The following GBX1 variants were observed in gnomAD, a reference collection of about 807,000 sequenced individuals.
GBX1 encodes the protein homeobox protein GBX-1.
GBX1 carries 9 observed loss-of-function variants against 22.9 expected under a neutral mutation model. The observed-to-expected ratio is 0.39, with a 90% confidence interval of 0.24 to 0.69. GBX1 has a LOEUF of 0.69. Among genes scored for constraint, GBX1 ranks in the 30% least tolerant of loss-of-function variants. The pLI, the probability that GBX1 is intolerant of heterozygous loss-of-function variation, is 0.43. For missense variants in GBX1, 494 were observed against 509.2 expected (o/e 0.97, Z 0.29); for synonymous variants, 203 against 227.3 (o/e 0.89, Z 0.96).
intron 1 of GBX1, among the ~76,000 whole-genome samples, chr7:151,166,487 A>ACC (rs1554475966): frequency 1.8e-5 from 1 of 55,860 alleles, no homozygotes; most frequent in African/African-American, 6.6e-5. Flanking sequence ...CCCCCCCCCC[A>ACC]ACACACACAC....
At chr7:151,150,930 C>G (rs1230799309) in intron 1 of GBX1, among the ~76,000 whole-genome samples, 1 of 152,184 alleles carries the variant, frequency 6.6e-6, no homozygotes, top group East Asian at 1.9e-4. Flanking sequence ...CAGGATCTCA[C>G]TATGTTGCCC....
At chr7:151,149,231 G>A in intron 1 of GBX1, 89 bp from the exon 2 acceptor site, 2 of 1,301,442 alleles carry the variant, frequency 1.5e-6, no homozygotes, top group Non-Finnish European at 2.1e-6. Context: ...GCCAGAAATG[G>A]GGGGTTGGGA....
rs1801036271 is a variant in GBX1 at position 151,148,249 on chromosome 7, G to T, written c.*340C>A. On this transcript the variant is annotated 3_prime_UTR_variant, in exon 2 of 2. Transcript: ENST00000297537. The surrounding 1 kb of genome is among the most constrained non-coding windows in gnomAD (Gnocchi z 5.1). ...CTCCACCCATCAGAAGCTGTTCCAG[G>T]GCATTTGCCACAGAACCTTCAGGCC... 6.6e-6 allele frequency among the ~76,000 whole-genome samples: 1 copy of T among 152,086 alleles called. No individual in the cohort carries two copies. Among genetic ancestry groups the T allele is most frequent in the South Asian group, 2.1e-4 (1 of 4,824 alleles).
chr7:151,149,822 C>A, intron 1 of GBX1: 1 of 437,544 alleles, frequency 2.3e-6, no homozygotes, highest in Non-Finnish European at 4.6e-6. Context: ...CATGCAGCAC[C>A]TTGAGTGTGG....
At chr7:151,149,219 T>C (rs1032541478) in intron 1 of GBX1, 77 bp from the exon 2 acceptor site, 26 of 1,354,402 alleles carry the variant, frequency 1.9e-5, no homozygotes, top group Admixed American at 4.3e-5. Context: ...CATGGAACCA[T>C]GGCCAGAAAT....
rs71533521 is a variant in GBX1 at position 151,164,776 on chromosome 7, CTTTT to C, written c.538+2231_538+2234del. On this transcript the variant is annotated intron_variant, in intron 1 of 1. Transcript: ENST00000297537. ...CTCCAAGAACAACACAAATTTCCCT[CTTTT>C]TTTTTTTTTTTTTTTTGCTTTCAAC... is the stretch of plus-strand genomic sequence containing the variant. Among the ~76,000 whole-genome samples the C allele has an allele frequency of 2.5e-3, 261 of 104,406 alleles. 3 individuals are homozygous for C. Among genetic ancestry groups the C allele is most frequent in the East Asian group, 0.024 (80 of 3,396 alleles). The allele number at this position is 104,406 out of a possible 152,430, so 68.5% of individuals were successfully genotyped here.
At chr7:151,166,459 C>A (rs1187492930) in intron 1 of GBX1, among the ~76,000 whole-genome samples, 2 of 145,276 alleles carry the variant, frequency 1.4e-5, no homozygotes, top group East Asian at 4.2e-4. Context: ...TCAGAAGTCA[C>A]GGCTTTGAGA....
chr7:151,151,831 A>G (rs977210316), intron 1 of GBX1, among the ~76,000 whole-genome samples: 5 of 151,874 alleles, frequency 3.3e-5, no homozygotes, highest in Non-Finnish European at 7.4e-5. Context: ...TCCACACTCC[A>G]CCTGGCCCAT....
At chr7:151,163,073 T>C (rs1801205316) in intron 1 of GBX1, among the ~76,000 whole-genome samples, 1 of 152,162 alleles carries the variant, frequency 6.6e-6, no homozygotes, top group Non-Finnish European at 1.5e-5. Flanking sequence ...CCCAAAGTGT[T>C]GGGATTACAG....
intron 1 of GBX1, among the ~76,000 whole-genome samples, chr7:151,156,403 A>C (rs1343279746): frequency 1.4e-5 from 2 of 147,920 alleles, no homozygotes; most frequent in Non-Finnish European, 3.0e-5. Context: ...AAAAAAAAAA[A>C]AAAAAAAAAA....
intron 1 of GBX1, among the ~76,000 whole-genome samples, chr7:151,160,159 A>G (rs1363545076): frequency 6.6e-6 from 1 of 152,198 alleles, no homozygotes; most frequent in African/African-American, 2.4e-5. Context: ...AATCTTAGAG[A>G]TCACCTAATT....
At chr7:151,149,828 TG>T (rs1405141101) in intron 1 of GBX1, 1 of 440,246 alleles carries the variant, frequency 2.3e-6, no homozygotes, top group Non-Finnish European at 4.6e-6. Flanking sequence ...GCACCTTGAG[TG>T]TGGCCAGATT....
Position 151,167,535 on chromosome 7 carries a change from C to G in GBX1, c.14G>C (p.Gly5Ala). ...GTTGCCCCCAGGGGCGCTACCGCCT[C>G]CGGCCCGCTGCATCTTGTTCGGAGC... MQRA[G>A]GGSAPGGNGG... Residue 5 changes from glycine (G) to alanine (A), a missense_variant, in exon 1 of 2, where the codon GGA becomes GCA. By Grantham distance (60) the Gly-to-Ala change is moderately conservative. Around this residue, in one of 3 missense-constraint regions of GBX1, gnomAD observed 365 missense variants for 340.4 expected, o/e 1.07. Coordinates refer to ENST00000297537, the MANE Select transcript of GBX1 (RefSeq NM_001098834.3). The surrounding 1 kb of genome is among the most constrained non-coding windows in gnomAD (Gnocchi z 5.9). 4.1e-6 allele frequency: 6 copies of G among 1,461,804 alleles called. No homozygotes were observed. Among genetic ancestry groups the G allele is most frequent in the Non-Finnish European group, 5.4e-6 (6 of 1,118,420 alleles). 90.6% of individuals were successfully genotyped at this position (1,461,804 alleles called of 1,614,324 possible).
At chr7:151,158,496 G>A (rs73727485) in intron 1 of GBX1, among the ~76,000 whole-genome samples, 1,631 of 151,642 alleles carry the variant, frequency 0.011, 34 homozygotes, top group African/African-American at 0.037. Flanking sequence ...GGGAGAACAG[G>A]CCCTAGTGAG....
intron 1 of GBX1, among the ~76,000 whole-genome samples, chr7:151,159,984 T>A (rs896487280): frequency 6.6e-6 from 1 of 152,192 alleles, no homozygotes; most frequent in Non-Finnish European, 1.5e-5. Context: ...CACCTCAAGA[T>A]GCATGCATCT....
intron 1 of GBX1, among the ~76,000 whole-genome samples, chr7:151,153,076 A>C (rs976257986): frequency 3.3e-5 from 5 of 152,186 alleles, no homozygotes; most frequent in Non-Finnish European, 5.9e-5. Context: ...TGGAAAGAAG[A>C]CTGGGGAAGG....
chr7:151,157,609 G>A (rs550902737), intron 1 of GBX1, among the ~76,000 whole-genome samples: 1 of 152,222 alleles, frequency 6.6e-6, no homozygotes, highest in East Asian at 1.9e-4. Flanking sequence ...CCTTCTTTCT[G>A]GTTGAGGTAG....
At chr7:151,160,761 C>T (rs1801180506) in intron 1 of GBX1, among the ~76,000 whole-genome samples, 1 of 152,202 alleles carries the variant, frequency 6.6e-6, no homozygotes, top group African/African-American at 2.4e-5. Flanking sequence ...ATTTCATCCA[C>T]AGTACTCTAA....
chr7:151,156,244 G>A (rs1193346118), intron 1 of GBX1, among the ~76,000 whole-genome samples: 1 of 151,536 alleles, frequency 6.6e-6, no homozygotes, highest in Non-Finnish European at 1.5e-5. Context: ...AAAATTAGCT[G>A]GGCACATTGG....
Sources: allele counts gnomAD v4.1 joint callset (sites outside exome capture counted in the v4.1 genomes callset), GRCh38; gene constraint gnomAD v4.1.1; regional missense constraint gnomAD v4.1.1; non-coding constraint Gnocchi (gnomAD v3.1); transcripts MANE v1.5; gene names NCBI Gene and HGNC (gene_info 2026-07-23, HGNC 2026-07-21).